The following CNTNAP5 variants were observed in gnomAD, a reference collection of about 807,000 sequenced individuals.
CNTNAP5 encodes the protein contactin associated protein family member 5, also known as contactin-associated protein-like 5.
In CNTNAP5, 72 loss-of-function variants were observed where a neutral mutation model predicts 150.2. The observed-to-expected ratio is 0.48, with a 90% CI of 0.40 to 0.58. CNTNAP5 has a LOEUF of 0.58. Ranked by LOEUF, CNTNAP5 falls within the 20% of genes least tolerant of loss-of-function variation. The probability of loss-of-function intolerance (pLI) is 0.00; values close to 1 mark genes in which losing one functional copy is unlikely to be tolerated. For missense variants in CNTNAP5, 1,636 were observed against 1,626.2 expected (o/e 1.01, Z -0.10); for synonymous variants, 672 against 619.8 (o/e 1.08, Z -1.25).
At chr2:124,461,227 C>T (rs1419460686) in intron 6 of CNTNAP5, among the ~76,000 whole-genome samples, 2 of 151,950 alleles carry the variant, frequency 1.3e-5, no homozygotes, top group African/African-American at 4.8e-5. Context: ...CACATGCAGA[C>T]GTATGTTTAT....
At chr2:124,183,221 G>A (rs1034682050) in intron 1 of CNTNAP5, among the ~76,000 whole-genome samples, 2 of 152,112 alleles carry the variant, frequency 1.3e-5, no homozygotes, top group Non-Finnish European at 2.9e-5. Context: ...TAGAATACGG[G>A]AGCAATTTAA....
At chr2:124,317,255 A>T (rs1688991216) in intron 3 of CNTNAP5, among the ~76,000 whole-genome samples, 3 of 152,226 alleles carry the variant, frequency 2.0e-5, no homozygotes, top group African/African-American at 7.2e-5. Context: ...AGTAATGATG[A>T]TAACAGTAAT....
intron 1 of CNTNAP5, among the ~76,000 whole-genome samples, chr2:124,146,595 T>C (rs921556623): frequency 6.6e-6 from 1 of 152,154 alleles, no homozygotes; most frequent in African/African-American, 2.4e-5. Context: ...TGTGGGGATC[T>C]TATGAAGCTG....
At chr2:124,213,343 A>G (rs1422423934) in intron 1 of CNTNAP5, among the ~76,000 whole-genome samples, 1 of 152,222 alleles carries the variant, frequency 6.6e-6, no homozygotes, top group African/African-American at 2.4e-5. Context: ...AAATCATAAC[A>G]TAATATTTGG....
chr2:124,360,323 T>G (rs1228022977), intron 3 of CNTNAP5, among the ~76,000 whole-genome samples: 4 of 149,964 alleles, frequency 2.7e-5, no homozygotes, highest in African/African-American at 9.7e-5. Context: ...AAGTTAATAT[T>G]GTTATGTGTG....
chr2:124,320,378 A>G (rs534472639), intron 3 of CNTNAP5, among the ~76,000 whole-genome samples: 1 of 152,288 alleles, frequency 6.6e-6, no homozygotes, highest in Admixed American at 6.5e-5. Flanking sequence ...TTGTCACTGT[A>G]ATTTGCATTT....
At chr2:124,766,404 CAA>C (rs58567330) in intron 16 of CNTNAP5, among the ~76,000 whole-genome samples, 7 of 124,960 alleles carry the variant, frequency 5.6e-5, no homozygotes, top group East Asian at 4.9e-4. Flanking sequence ...GAAAAGGAGA[CAA>C]AAAAAAAAAA....
intron 3 of CNTNAP5, among the ~76,000 whole-genome samples, chr2:124,319,354 G>A (rs1192727309): frequency 6.6e-6 from 1 of 152,206 alleles, no homozygotes; most frequent in South Asian, 2.1e-4. Flanking sequence ...ATTAATGAAG[G>A]GTCTCTCATT....
intron 2 of CNTNAP5, among the ~76,000 whole-genome samples, chr2:124,222,645 A>G (rs1249072627): frequency 6.6e-6 from 1 of 151,124 alleles, no homozygotes; most frequent in African/African-American, 2.4e-5. Flanking sequence ...TTTTCCATTG[A>G]TATCTTAAGT....
chr2:124,151,528 A>AT (rs1159541152), intron 1 of CNTNAP5, among the ~76,000 whole-genome samples: 2 of 152,204 alleles, frequency 1.3e-5, no homozygotes, highest in East Asian at 3.9e-4. Context: ...GTTCTTCCTC[A>AT]TTTGTACCTC....
rs578027896 is a variant in CNTNAP5 at position 124,063,335 on chromosome 2, C to T, written c.82+37603C>T. On this transcript the variant is annotated intron_variant, in intron 1 of 23. Coordinates refer to ENST00000682447, the MANE Select transcript of CNTNAP5 (RefSeq NM_001367498.1). Reference sequence around the variant, plus strand: ...TTAAGCTAATTTGTACATAGTTCTACGTGCCACTTTCCTCTTTCATGAAAT... The same window carrying T: ...TTAAGCTAATTTGTACATAGTTCTATGTGCCACTTTCCTCTTTCATGAAAT... 2.3e-4 allele frequency among the ~76,000 whole-genome samples: 35 copies of T among 152,138 alleles called. 2 individuals carry two copies. In the South Asian group the frequency reaches 6.0e-3, roughly 26 times the overall value.
intron 3 of CNTNAP5, among the ~76,000 whole-genome samples, chr2:124,323,475 G>C (rs1295203843): frequency 6.6e-6 from 1 of 152,182 alleles, no homozygotes; most frequent in Non-Finnish European, 1.5e-5. Context: ...CTGTGCAAGG[G>C]AATCAAGTGC....
intron 4 of CNTNAP5, among the ~76,000 whole-genome samples, chr2:124,427,614 G>A (rs7577595): frequency 1.3e-5 from 2 of 151,754 alleles, no homozygotes; most frequent in African/African-American, 2.4e-5. Flanking sequence ...CCACAAGGAC[G>A]CCCGGCTAAT....
At chr2:124,411,292 C>T (rs970317089) in intron 3 of CNTNAP5, among the ~76,000 whole-genome samples, 8 of 152,132 alleles carry the variant, frequency 5.3e-5, no homozygotes, top group African/African-American at 1.9e-4. Context: ...CAAATTCTAT[C>T]AGAGGTACAA....
intron 2 of CNTNAP5, among the ~76,000 whole-genome samples, chr2:124,239,503 C>G (rs1057237626): frequency 6.6e-6 from 1 of 151,986 alleles, no homozygotes; most frequent in African/African-American, 2.4e-5. Context: ...ATATTCTTTA[C>G]GCAATAAATC....
At chr2:124,645,045 A>G (rs896619127) in intron 12 of CNTNAP5, among the ~76,000 whole-genome samples, 5 of 152,218 alleles carry the variant, frequency 3.3e-5, no homozygotes, top group Non-Finnish European at 5.9e-5. Flanking sequence ...TCTTCTTTGT[A>G]TAAACATCAT....
At chr2:124,527,576 G>T in intron 10 of CNTNAP5, 120 bp downstream of exon 10, 1 of 705,160 alleles carries the variant, frequency 1.4e-6, no homozygotes, top group Non-Finnish European at 2.2e-6. Flanking sequence ...ACATAATTGA[G>T]TTGCCTAATG....
Position 124,628,903 on chromosome 2 carries a change from G to A in CNTNAP5, c.1877-18855G>A, listed in dbSNP as rs190282913. On this transcript the variant is annotated intron_variant, in intron 12 of 23. Transcript: ENST00000682447. ...GCAAACGGAAAGCAGAAAAAAGCAGGAGTAGCAATCCTAGTTTCTGACAAA... is the reference window on the plus strand; with the variant it reads ...GCAAACGGAAAGCAGAAAAAAGCAGAAGTAGCAATCCTAGTTTCTGACAAA... 2.0e-5 allele frequency among the ~76,000 whole-genome samples: 3 copies of A among 152,258 alleles called. No homozygotes were observed. In the East Asian group the frequency reaches 5.8e-4, roughly 29 times the overall value.
intron 3 of CNTNAP5, among the ~76,000 whole-genome samples, chr2:124,295,293 G>A (rs1688395303): frequency 1.2e-5 from 1 of 83,454 alleles, no homozygotes; most frequent in African/African-American, 4.7e-5. Context: ...CTCATGTTTG[G>A]CAGAGGTGGG....
Sources: allele counts gnomAD v4.1 joint callset (sites outside exome capture counted in the v4.1 genomes callset), GRCh38; gene constraint gnomAD v4.1.1; transcripts MANE v1.5; gene names NCBI Gene and HGNC (gene_info 2026-07-23, HGNC 2026-07-21).